The following TBC1D4 variants were observed in gnomAD, a reference collection of about 807,000 sequenced individuals.
TBC1D4 encodes TBC1 domain family member 4.
In TBC1D4, 121 loss-of-function variants were observed where a neutral mutation model predicts 142.5. The observed-to-expected ratio is 0.85, with a 90% confidence interval of 0.73 to 0.99. The LOEUF (loss-of-function observed/expected upper bound fraction) is 0.99, where lower values mean the gene tolerates loss of function less well. Ranked by LOEUF, TBC1D4 falls within the 50% of genes least tolerant of loss-of-function variation. The pLI is 0.00. For missense variants in TBC1D4, 1,475 were observed against 1,606.6 expected, an observed-to-expected ratio of 0.92 and a Z score of 1.40; for synonymous variants, 630 against 628.2, an observed-to-expected ratio of 1.00 and a Z score of -0.04.
chr13:75,402,306 G>T (rs1885130471), intron 1 of TBC1D4, among the ~76,000 whole-genome samples: 1 of 152,042 alleles, frequency 6.6e-6, no homozygotes, highest in African/African-American at 2.4e-5. Context: ...AGAGCTTGTG[G>T]CAGACTTAAA....
intron 1 of TBC1D4, among the ~76,000 whole-genome samples, chr13:75,404,514 AT>A (rs34441868): frequency 5.9e-5 from 9 of 151,882 alleles, no homozygotes; most frequent in South Asian, 2.1e-4. Context: ...CTCAAGAGGC[AT>A]TTTTTTTAAA....
chr13:75,396,756 C>T (rs1038254917), intron 1 of TBC1D4, among the ~76,000 whole-genome samples: 7 of 152,020 alleles, frequency 4.6e-5, no homozygotes, highest in African/African-American at 1.7e-4. Context: ...AGTAATCATA[C>T]ACCCTTAAAT....
chr13:75,324,427 T>C (rs1195228365), intron 10 of TBC1D4, 26 bp from the exon 11 acceptor site: 9 of 1,612,598 alleles, frequency 5.6e-6, no homozygotes, highest in Non-Finnish European at 7.6e-6. Context: ...ACAGCAAATA[T>C]GTCTTAATTT....
In TBC1D4 at chr13:75,312,746, T is replaced by G. The variant is rs747520900; in HGVS notation, c.2375A>C (p.Gln792Pro). The G allele has an allele frequency of 2.5e-6, 4 of 1,614,052 alleles. No homozygotes were observed. Among genetic ancestry groups the G allele is most frequent in the Non-Finnish European group, 2.5e-6 (3 of 1,180,030 alleles). The change falls in exon 13 of 21, where the codon CAA becomes CCA. Residue 792 changes from glutamine (Q) to proline (P), a missense_variant. Gln to Pro is a moderately conservative substitution (Grantham distance 76). Coordinates refer to ENST00000377636, the MANE Select transcript of TBC1D4 (RefSeq NM_014832.5). ...SPMNKSPSAMQQQDGLDRNEL... is the reference protein window; with the variant it reads ...SPMNKSPSAMPQQDGLDRNEL... ...GGGAGTGCAACACAGACCTTGCTGT[T>G]GCATTGCTGAGGGAGATTTGTTCAT...
intron 5 of TBC1D4, among the ~76,000 whole-genome samples, chr13:75,348,864 C>G (rs527244825): frequency 6.6e-6 from 1 of 151,900 alleles, no homozygotes; most frequent in South Asian, 2.1e-4. Flanking sequence ...TTAGCAGAGT[C>G]TTAAAAACTG....
chr13:75,321,232 G>A (rs1367249543), intron 11 of TBC1D4, among the ~76,000 whole-genome samples: 1 of 152,040 alleles, frequency 6.6e-6, no homozygotes, highest in Non-Finnish European at 1.5e-5. Flanking sequence ...AGATATCATA[G>A]TAATTATGTG....
chr13:75,333,537 T>C (rs1287095344), intron 8 of TBC1D4, among the ~76,000 whole-genome samples: 1 of 152,224 alleles, frequency 6.6e-6, no homozygotes, highest in African/African-American at 2.4e-5. Context: ...CAAAAATTTT[T>C]TTTCCCCACA....
intron 15 of TBC1D4, among the ~76,000 whole-genome samples, chr13:75,303,731 C>A (rs1228552929): frequency 6.6e-6 from 1 of 152,194 alleles, no homozygotes; most frequent in Non-Finnish European, 1.5e-5. Context: ...GGCTCGTTGG[C>A]ATGACTTATG....
chr13:75,477,207 T>C (rs1461033249), intron 1 of TBC1D4, among the ~76,000 whole-genome samples: 1 of 152,258 alleles, frequency 6.6e-6, no homozygotes, highest in African/African-American at 2.4e-5. Flanking sequence ...ATTTCTCTGG[T>C]ATTCTTACTA....
chr13:75,348,971 G>GTGTGTGTA (rs1881380928), intron 5 of TBC1D4, among the ~76,000 whole-genome samples, 199 bp downstream of exon 5: 2 of 150,490 alleles, frequency 1.3e-5, no homozygotes, highest in African/African-American at 4.9e-5. Context: ...GTGTGTGTGT[G>GTGTGTGTA]TGTGTGTGTG....
At chr13:75,350,819 G>A (rs901508335) in intron 4 of TBC1D4, among the ~76,000 whole-genome samples, 2 of 152,124 alleles carry the variant, frequency 1.3e-5, no homozygotes, top group African/African-American at 4.8e-5. Context: ...CATGGTGTCT[G>A]AAATGTGGCT....
At chr13:75,413,870 T>C (rs945464963) in intron 1 of TBC1D4, among the ~76,000 whole-genome samples, 11 of 152,194 alleles carry the variant, frequency 7.2e-5, no homozygotes, top group African/African-American at 2.4e-4. Context: ...GGATCTCAAA[T>C]AACTAAAACC....
At chr13:75,338,587 A>T (rs566066161) in intron 7 of TBC1D4, among the ~76,000 whole-genome samples, 4 of 152,262 alleles carry the variant, frequency 2.6e-5, no homozygotes, top group Admixed American at 2.6e-4. Flanking sequence ...TGATTTCTCC[A>T]TCACAAAGAA....
chr13:75,337,349 T>C (rs914290706), intron 7 of TBC1D4, among the ~76,000 whole-genome samples: 1 of 152,250 alleles, frequency 6.6e-6, no homozygotes, highest in African/African-American at 2.4e-5. Context: ...ACTGCTACTC[T>C]GATTAACATC....
At chr13:75,451,684 A>C (rs1325883419) in intron 1 of TBC1D4, among the ~76,000 whole-genome samples, 1 of 149,774 alleles carries the variant, frequency 6.7e-6, no homozygotes, top group Non-Finnish European at 1.5e-5. Context: ...TATCTCAAAA[A>C]AAAACTCCAA....
intron 1 of TBC1D4, among the ~76,000 whole-genome samples, chr13:75,466,851 C>A (rs1415679487): frequency 6.7e-6 from 1 of 150,110 alleles, no homozygotes; most frequent in African/African-American, 2.5e-5. Flanking sequence ...AGCCTCGTGA[C>A]AAAGTGAGAC....
chr13:75,454,245 T>C (rs1354272242), intron 1 of TBC1D4, among the ~76,000 whole-genome samples: 1 of 152,054 alleles, frequency 6.6e-6, no homozygotes, highest in Non-Finnish European at 1.5e-5. Context: ...AAAATAAAAA[T>C]ATATTAGTGA....
intron 1 of TBC1D4, among the ~76,000 whole-genome samples, chr13:75,437,855 C>T (rs7337772): frequency 1.1e-3 from 172 of 152,260 alleles, no homozygotes; most frequent in Middle Eastern, 3.4e-3. Flanking sequence ...TTTGAAGATG[C>T]ATTAACTCTT....
chr13:75,392,285 A>G (rs1345359426), intron 1 of TBC1D4, among the ~76,000 whole-genome samples: 1 of 152,220 alleles, frequency 6.6e-6, no homozygotes, highest in Non-Finnish European at 1.5e-5. Context: ...AGTATGTTCC[A>G]AATATTAGTA....
Sources: gnomAD v4.1 joint callset for allele counts (sites outside exome capture counted in the v4.1 genomes callset) on GRCh38, gnomAD v4.1.1 for gene constraint, MANE v1.5 for transcripts, NCBI Gene and HGNC (gene_info 2026-07-23, HGNC 2026-07-21) for gene names.